Variants in PARD3 observed in about 807,000 individuals in gnomAD.
PARD3 encodes partitioning defective 3 homolog.
Under a neutral mutation model 155.4 loss-of-function variants are expected in PARD3, and 75 were observed. That is an observed-to-expected ratio of 0.48 (90% confidence interval 0.40 to 0.58). The LOEUF (loss-of-function observed/expected upper bound fraction) is 0.58. Among genes scored for constraint, PARD3 ranks in the 20% least tolerant of loss-of-function variants. The pLI is 0.00. For missense variants in PARD3, 1,642 were observed against 1,721.7 expected (o/e 0.95, Z 0.82); for synonymous variants, 576 against 610.5 (o/e 0.94, Z 0.83).
chr10:34,421,090 T>C (rs1195439192), intron 5 of PARD3, among the ~76,000 whole-genome samples: 3 of 152,120 alleles, frequency 2.0e-5, no homozygotes, highest in Admixed American at 6.6e-5. Flanking sequence ...TGGAACTGCT[T>C]GAGCCTGGGT....
chr10:34,747,420 C>A (rs1036990042), intron 1 of PARD3, among the ~76,000 whole-genome samples: 1 of 151,964 alleles, frequency 6.6e-6, no homozygotes, highest in East Asian at 1.9e-4. Context: ...AATAAAGAGG[C>A]CATTTCTAAA....
chr10:34,425,584 T>C (rs1564699058), intron 5 of PARD3, among the ~76,000 whole-genome samples: 2 of 152,006 alleles, frequency 1.3e-5, no homozygotes, highest in Non-Finnish European at 2.9e-5. Context: ...TTTGTAGAGA[T>C]GGGGGTCTCC....
In PARD3 at chr10:34,278,766, C is replaced by T. The variant is rs117687728; in HGVS notation, c.3176+5369G>A. Reference sequence around the variant, plus strand: ...CTTTACTTTATAAATTACCCAGTCTCGAGTATGTCCTTATAGCAGCATGAG... The same window carrying T: ...CTTTACTTTATAAATTACCCAGTCTTGAGTATGTCCTTATAGCAGCATGAG... On this transcript the variant is annotated intron_variant, in intron 21 of 24. Coordinates refer to ENST00000374788, the MANE Select transcript of PARD3 (RefSeq NM_001184785.2). 4.2e-3 allele frequency among the ~76,000 whole-genome samples: 634 copies of T among 152,232 alleles called. 3 individuals carry two copies. The highest frequency in any genetic ancestry group is 5.0e-3 in the Non-Finnish European group (341 of 68,010).
intron 3 of PARD3, among the ~76,000 whole-genome samples, chr10:34,482,434 G>C (rs2079143463): frequency 6.6e-6 from 1 of 152,216 alleles, no homozygotes; most frequent in South Asian, 2.1e-4. Context: ...GTCTCCCAAA[G>C]CGCTGGGATT....
intron 7 of PARD3, among the ~76,000 whole-genome samples, chr10:34,392,000 A>G (rs1018637343): frequency 2.6e-5 from 4 of 152,136 alleles, no homozygotes; most frequent in African/African-American, 9.7e-5. Flanking sequence ...TACCAAAAAT[A>G]CAAAAAATTA....
intron 22 of PARD3, among the ~76,000 whole-genome samples, chr10:34,268,667 C>T (rs1362721771): frequency 3.3e-5 from 5 of 151,936 alleles, no homozygotes; most frequent in Non-Finnish European, 5.9e-5. Context: ...TCTCAGCAAA[C>T]TATTGCAAGG....
chr10:34,714,186 G>C (rs1029107651), intron 1 of PARD3, among the ~76,000 whole-genome samples: 7 of 152,208 alleles, frequency 4.6e-5, no homozygotes, highest in Non-Finnish European at 1.0e-4. Flanking sequence ...CCACTTCCCT[G>C]TCACATTACT....
chr10:34,480,894 C>G (rs1387215162), intron 3 of PARD3, among the ~76,000 whole-genome samples: 1 of 149,438 alleles, frequency 6.7e-6, no homozygotes, highest in Non-Finnish European at 1.5e-5. Context: ...CTCCGCTTCT[C>G]AGGTTCAAGC....
chr10:34,550,119 C>T (rs753048893), intron 2 of PARD3, among the ~76,000 whole-genome samples: 6 of 152,170 alleles, frequency 3.9e-5, no homozygotes, highest in East Asian at 3.9e-4. Context: ...CACAAACATC[C>T]GGAGCACATG....
At chr10:34,232,765 A>G (rs1052902413) in intron 22 of PARD3, among the ~76,000 whole-genome samples, 1 of 152,074 alleles carries the variant, frequency 6.6e-6, no homozygotes, top group African/African-American at 2.4e-5. Context: ...CAATGGTGTG[A>G]TCATAGCTCA....
At chr10:34,139,727 C>T (rs2132851486) in intron 22 of PARD3, among the ~76,000 whole-genome samples, 1 of 152,302 alleles carries the variant, frequency 6.6e-6, no homozygotes, top group Middle Eastern at 3.4e-3. Context: ...TGATGTCATC[C>T]ATGGATGTAC....
intron 1 of PARD3, among the ~76,000 whole-genome samples, chr10:34,727,782 G>C (rs2094741662): frequency 6.6e-6 from 1 of 151,252 alleles, no homozygotes; most frequent in Non-Finnish European, 1.5e-5. Flanking sequence ...CCTACTGCAG[G>C]TGAAACACAA....
At chr10:34,773,435 C>CTGAA (rs1378061210) in intron 1 of PARD3, among the ~76,000 whole-genome samples, 1 of 152,154 alleles carries the variant, frequency 6.6e-6, no homozygotes, top group Non-Finnish European at 1.5e-5. Context: ...TAATGTGGGA[C>CTGAA]TGAATATCCT....
chr10:34,325,933 C>T lies in PARD3; in HGVS notation c.2833+5184G>A, dbSNP rs143894626. Among the ~76,000 whole-genome samples, 475 of 152,020 alleles carry T rather than the reference C, an allele frequency of 3.1e-3. 6 individuals carry two copies. Among genetic ancestry groups the T allele is most frequent in the Admixed American group, 9.8e-4 (15 of 15,272 alleles). Reference sequence around the variant, plus strand: ...GTCAGGAGTTCAAGACCAGCCTGGCCAACATGGTGAAACCCCGTCTCTACT... The same window carrying T: ...GTCAGGAGTTCAAGACCAGCCTGGCTAACATGGTGAAACCCCGTCTCTACT... On this transcript the variant is annotated intron_variant, in intron 19 of 24. Transcript: ENST00000374788.
At chr10:34,486,869 C>T (rs915189519) in intron 3 of PARD3, among the ~76,000 whole-genome samples, 9 of 152,012 alleles carry the variant, frequency 5.9e-5, no homozygotes, top group Admixed American at 5.2e-4. Context: ...TATATGTACA[C>T]ATATATAATT....
chr10:34,717,631 T>TAAGAGC (rs1401953142), intron 1 of PARD3, among the ~76,000 whole-genome samples: 3 of 152,130 alleles, frequency 2.0e-5, no homozygotes, highest in African/African-American at 7.2e-5. Context: ...AAAAGCCTTC[T>TAAGAGC]AAGAGCAAGA....
At chr10:34,264,339 T>C (rs1955185842) in intron 22 of PARD3, among the ~76,000 whole-genome samples, 2 of 152,210 alleles carry the variant, frequency 1.3e-5, no homozygotes, top group Non-Finnish European at 2.9e-5. Context: ...TCCAATATGT[T>C]ATTTTCAACT....
rs1290365405 is a variant in PARD3 at position 34,250,029 on chromosome 10, T to C, written c.3419+19628A>G. Among the ~76,000 whole-genome samples, 6 of 152,214 alleles carry C rather than the reference T, an allele frequency of 3.9e-5. 1 individual carries two copies. Among genetic ancestry groups the C allele is most frequent in the Admixed American group, 6.5e-5 (1 of 15,286 alleles). Reference sequence around the variant, plus strand: ...AATTGATGGCATACTCTTAAGAATGTGGCCAAACTATGTACTTCCTGCCTG... The same window carrying C: ...AATTGATGGCATACTCTTAAGAATGCGGCCAAACTATGTACTTCCTGCCTG... On this transcript the variant is annotated intron_variant, in intron 22 of 24. Coordinates refer to ENST00000374788, the MANE Select transcript of PARD3 (RefSeq NM_001184785.2).
chr10:34,763,784 T>TTGCCAC (rs2134036180), intron 1 of PARD3, among the ~76,000 whole-genome samples: 1 of 152,288 alleles, frequency 6.6e-6, no homozygotes, highest in South Asian at 2.1e-4. Flanking sequence ...TTCAATGCTT[T>TTGCCAC]TGCCACAACA....
Sources: gnomAD v4.1 joint callset for allele counts (sites outside exome capture counted in the v4.1 genomes callset) on GRCh38, gnomAD v4.1.1 for gene constraint, MANE v1.5 for transcripts, NCBI Gene and HGNC (gene_info 2026-07-23, HGNC 2026-07-21) for gene names.